Variants in KAZN observed in about 807,000 individuals in gnomAD.
KAZN encodes the protein kazrin, periplakin interacting protein.
A neutral mutation model predicts 87.4 loss-of-function variants in KAZN; 40 were observed. The ratio of observed to expected loss-of-function variants is 0.46; its 90% CI spans 0.36 to 0.60. The LOEUF (loss-of-function observed/expected upper bound fraction) is 0.60. KAZN is among the 20% of genes least tolerant of loss of function. The pLI is 0.00. For synonymous variants in KAZN, 466 were observed against 458.3 expected, an observed-to-expected ratio of 1.02 and a Z score of -0.22; for missense variants, 898 against 1,073.9, an observed-to-expected ratio of 0.84 and a Z score of 2.29.
intron 2 of KAZN, among the ~76,000 whole-genome samples, chr1:14,260,197 G>A (rs756620711): frequency 6.6e-6 from 1 of 152,122 alleles, no homozygotes; most frequent in Non-Finnish European, 1.5e-5. Flanking sequence ...AGATACCAAG[G>A]AGACAGCAGT....
At chr1:14,130,277 C>A (rs1009728550) in intron 1 of KAZN, among the ~76,000 whole-genome samples, 1 of 152,190 alleles carries the variant, frequency 6.6e-6, no homozygotes, top group African/African-American at 2.4e-5. Context: ...GCCCCTCCAT[C>A]CAGCCATCAG....
intron 2 of KAZN, among the ~76,000 whole-genome samples, chr1:14,359,322 T>C (rs1659308447): frequency 6.6e-6 from 1 of 152,178 alleles, no homozygotes; most frequent in Admixed American, 6.5e-5. Flanking sequence ...TTTGAGCCTA[T>C]GTGTGTCTTT....
Position 15,098,919 on chromosome 1 carries a change from GC to G in KAZN, c.1548-2618del, listed in dbSNP as rs1177363731. On this transcript the variant is annotated intron_variant, in intron 10 of 14. Transcript: ENST00000376030. ...TCACAGATAAGCCACACCCCACCCT[GC>G]CCCCCAGGAGCTGACCGTCCAGTGA... 7.9e-5 allele frequency among the ~76,000 whole-genome samples: 12 copies of G among 152,326 alleles called. No individual in the cohort carries two copies. The East Asian group carries it at 1.7e-3, about 22-fold the overall frequency.
chr1:14,256,082 T>C (rs1571155971), intron 2 of KAZN, among the ~76,000 whole-genome samples: 1 of 152,380 alleles, frequency 6.6e-6, no homozygotes, highest in South Asian at 2.1e-4. Context: ...TGTTACTCTT[T>C]AGATTTAGTT....
At chr1:14,295,959 A>C (rs879305572) in intron 2 of KAZN, among the ~76,000 whole-genome samples, 1 of 152,066 alleles carries the variant, frequency 6.6e-6, no homozygotes, top group Non-Finnish European at 1.5e-5. Flanking sequence ...CCCAGTTTGG[A>C]ATTCTGACCT....
intron 2 of KAZN, among the ~76,000 whole-genome samples, chr1:14,279,975 C>G (rs188362393): frequency 6.6e-6 from 1 of 152,158 alleles, no homozygotes; most frequent in Non-Finnish European, 1.5e-5. Flanking sequence ...GGAATCGTGT[C>G]CCCCCAAAAA....
At chr1:14,415,752 C>G (rs1224720945) in intron 2 of KAZN, among the ~76,000 whole-genome samples, 1 of 152,140 alleles carries the variant, frequency 6.6e-6, no homozygotes, top group Non-Finnish European at 1.5e-5. Context: ...TTTGCCTTCC[C>G]TTCCCTTCCC....
Position 14,316,374 on chromosome 1 carries a change from TATC to T in KAZN, c.249+135785_249+135787del, listed in dbSNP as rs375502412. On this transcript the variant is annotated intron_variant, in intron 2 of 16. Coordinates refer to the KAZN transcript ENST00000636203. ...GAAGTGGTACATAATATTTCCATAA[TATC>T]ATTTTAATATCTGCAGGGTCTCTAG... Among the ~76,000 whole-genome samples, 778 of 152,162 alleles carry T rather than the reference TATC, an allele frequency of 5.1e-3. 4 individuals carry two copies. The highest frequency in any genetic ancestry group is 0.017 in the African/African-American group (710 of 41,568).
intron 1 of KAZN, among the ~76,000 whole-genome samples, chr1:14,922,514 C>T (rs1255756350): frequency 6.6e-6 from 1 of 152,140 alleles, no homozygotes; most frequent in Non-Finnish European, 1.5e-5. Context: ...CTTCCCATGC[C>T]ACTCTGCCGT....
At chr1:15,112,329 ATGTG>A (rs58658629) in intron 13 of KAZN, 94 bp from the exon 14 acceptor site, 29,536 of 632,786 alleles carry the variant, frequency 0.047, 917 homozygotes, top group African/African-American at 0.19. Flanking sequence ...ATTGTCACCA[ATGTG>A]TGTGTGTGTG....
chr1:14,886,654 G>A (rs1654100761), intron 1 of KAZN, among the ~76,000 whole-genome samples: 2 of 152,090 alleles, frequency 1.3e-5, no homozygotes, highest in South Asian at 4.1e-4. Flanking sequence ...AGCCAGGAGT[G>A]GTGGCGCATG....
chr1:14,817,571 G>A (rs1389931478), intron 1 of KAZN, among the ~76,000 whole-genome samples: 1 of 152,168 alleles, frequency 6.6e-6, no homozygotes, highest in Non-Finnish European at 1.5e-5. Flanking sequence ...CACATAGTAG[G>A]TGCTCAATAA....
rs140676939 is a variant in KAZN, at chr1:13,999,824, G to A, written c.91+106068G>A. ...TAGCTAGACTAATAAAGAAGAAAGA[G>A]AAGAATCAAATAGACACAATAAAAA... On this transcript the variant is annotated intron_variant, in intron 1 of 16. Coordinates refer to the KAZN transcript ENST00000636203. Among the ~76,000 whole-genome samples, 534 of 152,034 alleles carry A rather than the reference G, an allele frequency of 3.5e-3. 2 individuals carry two copies. The highest frequency in any genetic ancestry group is 0.012 in the African/African-American group (499 of 41,452).
At chr1:14,028,160 GC>G (rs1263577531) in intron 1 of KAZN, among the ~76,000 whole-genome samples, 3 of 150,922 alleles carry the variant, frequency 2.0e-5, no homozygotes, top group African/African-American at 7.3e-5. Flanking sequence ...CTTTCTTCAA[GC>G]TTTGGGGTGC....
At chr1:14,116,119 A>G (rs1644611309) in intron 1 of KAZN, among the ~76,000 whole-genome samples, 1 of 152,228 alleles carries the variant, frequency 6.6e-6, no homozygotes, top group Admixed American at 6.5e-5. Context: ...AATGCAATAG[A>G]AAAGGAAATC....
intron 2 of KAZN, among the ~76,000 whole-genome samples, chr1:15,020,200 C>T (rs966964687): frequency 6.6e-6 from 1 of 152,234 alleles, no homozygotes; most frequent in Non-Finnish European, 1.5e-5. Context: ...CCGCATTCCC[C>T]ACACACTAGT....
chr1:14,963,378 T>A (rs1335509477), intron 2 of KAZN, among the ~76,000 whole-genome samples: 1 of 152,202 alleles, frequency 6.6e-6, no homozygotes. Context: ...TCAGGGAAAG[T>A]AAATAACTTG....
intron 1 of KAZN, among the ~76,000 whole-genome samples, chr1:14,903,406 T>A (rs1334900419): frequency 6.6e-6 from 1 of 152,210 alleles, no homozygotes; most frequent in Non-Finnish European, 1.5e-5. Context: ...GTGGGCACAC[T>A]GGGGCCCTGG....
Position 14,409,851 on chromosome 1 carries a change from A to G in KAZN, c.250-189132A>G, listed in dbSNP as rs145755957. Among the ~76,000 whole-genome samples, 343 of 152,306 alleles carry G rather than the reference A, an allele frequency of 2.3e-3. 1 individual carries two copies. The highest frequency in any genetic ancestry group is 7.8e-3 in the African/African-American group (325 of 41,568). On this transcript the variant is annotated intron_variant, in intron 2 of 16. Transcript: ENST00000636203. ...CAGAATAATCATAATCATAAGCTAG[A>G]CCATCAAAAAACAGAATATAACAGA...
Sources: allele counts gnomAD v4.1 joint callset (sites outside exome capture counted in the v4.1 genomes callset), GRCh38; gene constraint gnomAD v4.1.1; transcripts MANE v1.5; gene names NCBI Gene and HGNC (gene_info 2026-07-23, HGNC 2026-07-21).